The following VPS13A variants were observed in gnomAD, a reference collection of about 807,000 sequenced individuals.
The protein encoded by VPS13A is intermembrane lipid transfer protein VPS13A.
Under a neutral mutation model 390.9 loss-of-function variants are expected in VPS13A, and 264 were observed. The observed-to-expected ratio is 0.68, with a 90% CI of 0.61 to 0.75. The LOEUF (loss-of-function observed/expected upper bound fraction) is 0.75, where lower values mean the gene tolerates loss of function less well. Ranked by LOEUF, VPS13A falls within the 30% of genes least tolerant of loss-of-function variation. VPS13A has a pLI of 0.00. For synonymous variants in VPS13A, 1,231 were observed against 1,227.1 expected, an observed-to-expected ratio of 1.00 and a Z score of -0.07; for missense variants, 3,409 against 3,733.9, an observed-to-expected ratio of 0.91 and a Z score of 2.27.
At chr9:77,413,889 A>G (rs1219140850) in intron 71 of VPS13A, among the ~76,000 whole-genome samples, 1 of 152,160 alleles carries the variant, frequency 6.6e-6, no homozygotes, top group Admixed American at 6.5e-5. Context: ...ACTCAAACAA[A>G]TCTACAAGAA....
At chr9:77,227,621 A>G (rs1009183185) in intron 16 of VPS13A, 136 bp downstream of exon 16, 20 of 666,584 alleles carry the variant, frequency 3.0e-5, no homozygotes, top group South Asian at 2.4e-4. Flanking sequence ...GCCTCAAGCA[A>G]TCCTCCCACC....
intron 52 of VPS13A, among the ~76,000 whole-genome samples, chr9:77,347,095 G>A (rs1831199212): frequency 6.6e-6 from 1 of 152,196 alleles, no homozygotes; most frequent in Non-Finnish European, 1.5e-5. Context: ...AGGCATTGTA[G>A]TATACTTTGA....
intron 54 of VPS13A, among the ~76,000 whole-genome samples, chr9:77,355,122 T>C (rs561379706): frequency 6.6e-6 from 1 of 152,292 alleles, no homozygotes; most frequent in East Asian, 1.9e-4. Flanking sequence ...ACCAAACACC[T>C]CAAATGTACT....
At chr9:77,256,528 CCT>C (rs1209574707) in intron 22 of VPS13A, among the ~76,000 whole-genome samples, 1 of 152,036 alleles carries the variant, frequency 6.6e-6, no homozygotes, top group Non-Finnish European at 1.5e-5. Flanking sequence ...GGTCCAGTCC[CCT>C]GTTTCCTTAT....
intron 1 of VPS13A, among the ~76,000 whole-genome samples, chr9:77,188,101 C>T (rs1824456455): frequency 6.6e-6 from 1 of 152,150 alleles, no homozygotes; most frequent in Admixed American, 6.5e-5. Context: ...CCTCCCTATG[C>T]ACTCCCCCTC....
chr9:77,227,981 T>G (rs1009334017), intron 16 of VPS13A, 141 bp from the exon 17 acceptor site: 34 of 569,974 alleles, frequency 6.0e-5, no homozygotes, highest in Non-Finnish European at 8.5e-5. Flanking sequence ...TCTCTTTTTT[T>G]GGGGTCAATG....
chr9:77,202,827 A>C (rs1484704657), intron 3 of VPS13A, among the ~76,000 whole-genome samples: 1 of 152,156 alleles, frequency 6.6e-6, no homozygotes, highest in African/African-American at 2.4e-5. Flanking sequence ...AACCCAAGAT[A>C]ATTTTGAGAG....
intron 23 of VPS13A, among the ~76,000 whole-genome samples, chr9:77,272,698 G>T (rs1826420009): frequency 6.6e-6 from 1 of 152,136 alleles, no homozygotes; most frequent in Admixed American, 6.6e-5. Context: ...ATGATGAGAG[G>T]TAGGGAACGT....
At chr9:77,202,998 C>A (rs1460061774) in intron 3 of VPS13A, among the ~76,000 whole-genome samples, 1 of 152,024 alleles carries the variant, frequency 6.6e-6, no homozygotes, top group Admixed American at 6.6e-5. Context: ...ATAGTAGGGG[C>A]ACAATTTATT....
chr9:77,383,372 C>G (rs1370306437), intron 68 of VPS13A, among the ~76,000 whole-genome samples: 3 of 152,016 alleles, frequency 2.0e-5, no homozygotes, highest in Non-Finnish European at 4.4e-5. Flanking sequence ...TGTGCAGTCT[C>G]TACAATGACA....
intron 13 of VPS13A, among the ~76,000 whole-genome samples, chr9:77,224,469 G>A (rs1033884732): frequency 6.6e-6 from 1 of 152,178 alleles, no homozygotes; most frequent in African/African-American, 2.4e-5. Flanking sequence ...ACATTGACAG[G>A]TGTTTGGAAG....
rs1341869681 is a variant in VPS13A at position 77,417,187 on chromosome 9, A to G, written c.*1181A>G. ...TGAACTGTGAAGAGAATGATGCAGG[A>G]TCCTATTTAGTTACTGAATAATACA... is the stretch of plus-strand genomic sequence containing the variant. On this transcript the variant is annotated 3_prime_UTR_variant, in exon 72 of 72. Transcript: ENST00000360280. The G allele has an allele frequency of 1.3e-5, 2 of 152,180 alleles. No individual in the cohort carries two copies. The highest frequency in any genetic ancestry group is 2.9e-5 in the Non-Finnish European group (2 of 68,026). The allele number at this position is 152,180 out of a possible 1,614,324, so 9.4% of individuals were successfully genotyped here.
intron 71 of VPS13A, among the ~76,000 whole-genome samples, chr9:77,414,497 C>A (rs1835080354): frequency 1.3e-5 from 2 of 151,804 alleles, no homozygotes; most frequent in Non-Finnish European, 1.5e-5. Flanking sequence ...GGACAAAAAA[C>A]CAAACACTGC....
intron 32 of VPS13A, among the ~76,000 whole-genome samples, chr9:77,295,265 T>G (rs1827913024): frequency 6.6e-6 from 1 of 152,094 alleles, no homozygotes; most frequent in Non-Finnish European, 1.5e-5. Context: ...TTAGGGAAAG[T>G]GAGATAAGGG....
chr9:77,181,136 G>T (rs747939392), intron 1 of VPS13A, among the ~76,000 whole-genome samples: 1 of 152,134 alleles, frequency 6.6e-6, no homozygotes, highest in Non-Finnish European at 1.5e-5. Context: ...AATAGCTGGA[G>T]TATTTTTTTA....
rs747129706 is a variant in VPS13A, at chr9:77,406,005, A to T, written c.9399+18A>T. 1 of 1,612,856 alleles carries T rather than the reference A, an allele frequency of 6.2e-7. No homozygotes were observed. Among genetic ancestry groups the T allele is most frequent in the South Asian group, 1.1e-5 (1 of 91,080 alleles). On this transcript the variant is annotated intron_variant, in intron 70 of 71. Coordinates refer to ENST00000360280, the MANE Select transcript of VPS13A (RefSeq NM_033305.3). ...AAGCAAAGGTATGTTGAATAGATTT[A>T]TTTTTTGAAAACTTGGAACTGAAAA...
intron 68 of VPS13A, among the ~76,000 whole-genome samples, chr9:77,396,994 GTTTT>G (rs556452766): frequency 4.7e-4 from 71 of 152,088 alleles, no homozygotes; most frequent in African/African-American, 1.6e-3. Context: ...GAATTTCATG[GTTTT>G]TTGTTTTTGA....
chr9:77,369,978 C>T (rs1369878471), intron 63 of VPS13A, among the ~76,000 whole-genome samples: 1 of 152,098 alleles, frequency 6.6e-6, no homozygotes, highest in Non-Finnish European at 1.5e-5. Context: ...TTGCATTTTG[C>T]TCATAAACTT....
At chr9:77,369,985 A>G (rs186989817) in intron 63 of VPS13A, among the ~76,000 whole-genome samples, 48 of 152,304 alleles carry the variant, frequency 3.2e-4, no homozygotes, top group Middle Eastern at 6.8e-3. Context: ...TTGCTCATAA[A>G]CTTACAATAT....
Sources: allele counts gnomAD v4.1 joint callset (sites outside exome capture counted in the v4.1 genomes callset), GRCh38; gene constraint gnomAD v4.1.1; transcripts MANE v1.5; gene names NCBI Gene and HGNC (gene_info 2026-07-23, HGNC 2026-07-21).